Variants in PLD1 observed in about 807,000 individuals in gnomAD.
The protein encoded by PLD1 is phospholipase D1.
A neutral mutation model predicts 137.1 loss-of-function variants in PLD1; 112 were observed. The observed-to-expected ratio is 0.82, with a 90% CI of 0.70 to 0.96. PLD1 has a LOEUF of 0.96. Among genes scored for constraint, PLD1 ranks in the 40% least tolerant of loss-of-function variants. The pLI, the probability that PLD1 is intolerant of heterozygous loss-of-function variation, is 0.00. For missense variants in PLD1, 1,321 were observed against 1,342.0 expected, an observed-to-expected ratio of 0.98 and a Z score of 0.24; for synonymous variants, 431 against 454.7, an observed-to-expected ratio of 0.95 and a Z score of 0.66.
At chr3:171,639,097 C>T (rs1735411480) in intron 23 of PLD1, among the ~76,000 whole-genome samples, 3 of 150,402 alleles carry the variant, frequency 2.0e-5, no homozygotes, top group South Asian at 2.1e-4. Flanking sequence ...AAATTCTCAG[C>T]CTCCGTAATT....
chr3:171,663,479 G>T (rs1056353269), intron 19 of PLD1, among the ~76,000 whole-genome samples: 1 of 152,198 alleles, frequency 6.6e-6, no homozygotes, highest in African/African-American at 2.4e-5. Flanking sequence ...ACCGTGAAAT[G>T]TGTAGCAGGA....
rs1174564536 is a variant in PLD1, at chr3:171,652,766, ATTTTTTTTTTTTTT to A, written c.2429+6433_2429+6446del. ...CAGGCATGTACCAGCACACTCAGCT[ATTTTTTTTTTTTTT>A]TTTTTTTTTTTTTTTGTAGAGACTA... On this transcript the variant is annotated intron_variant, in intron 21 of 26. Coordinates refer to ENST00000351298, the MANE Select transcript of PLD1 (RefSeq NM_002662.5). Among the ~76,000 whole-genome samples the A allele has an allele frequency of 4.0e-5, 3 of 75,616 alleles. No homozygotes were observed. The Admixed American group carries it at 5.5e-4, about 14-fold the overall frequency. The allele number at this position is 75,616 out of a possible 152,430, so 49.6% of individuals were successfully genotyped here.
At position 171,795,738 on chromosome 3, in the gene PLD1, T is replaced by G. The variant is rs145946051; in HGVS notation, c.-32+14661A>C. On this transcript the variant is annotated intron_variant, in intron 1 of 26. Coordinates refer to ENST00000351298, the MANE Select transcript of PLD1 (RefSeq NM_002662.5). ...TTTTACTCATGCTATTCCCTCTGCT[T>G]AGAATTCTTCCCAAAAGGGTGTTCA... Among the ~76,000 whole-genome samples the G allele has an allele frequency of 5.7e-3, 874 of 152,350 alleles. 4 individuals carry two copies. Among genetic ancestry groups the G allele is most frequent in the Non-Finnish European group, 8.3e-3 (567 of 68,034 alleles).
rs372165629 is a variant in PLD1, at chr3:171,708,342, A to G, written c.1145+413T>C. On this transcript the variant is annotated intron_variant, in intron 11 of 26. Coordinates refer to ENST00000351298, the MANE Select transcript of PLD1 (RefSeq NM_002662.5). The stretch of plus-strand genomic sequence containing the variant: ...TCATTACAGAGGATATTTTTACGGT[A>G]ACAGGCAAGTGGAACTATTTCAACA... Among the ~76,000 whole-genome samples the G allele has an allele frequency of 5.3e-5, 8 of 152,222 alleles. No homozygotes were observed. The East Asian group carries it at 1.5e-3, about 29-fold the overall frequency.
chr3:171,756,577 G>A (rs576166458), intron 1 of PLD1, among the ~76,000 whole-genome samples: 1 of 152,336 alleles, frequency 6.6e-6, no homozygotes, highest in South Asian at 2.1e-4. Flanking sequence ...AAGGGGTAAT[G>A]AAGAACATGC....
chr3:171,774,974 T>C (rs966715681), intron 1 of PLD1, among the ~76,000 whole-genome samples: 12 of 152,126 alleles, frequency 7.9e-5, no homozygotes, highest in Non-Finnish European at 4.4e-5. Context: ...TAGGAGTCAC[T>C]GACACTGAAG....
intron 23 of PLD1, 59 bp from the exon 24 acceptor site, chr3:171,620,579 T>C: frequency 9.9e-7 from 1 of 1,006,820 alleles, no homozygotes; most frequent in Admixed American, 1.8e-5. Flanking sequence ...AAACGTACAT[T>C]AAATCTTATT....
At chr3:171,634,131 T>C (rs1734910035) in intron 23 of PLD1, among the ~76,000 whole-genome samples, 1 of 152,226 alleles carries the variant, frequency 6.6e-6, no homozygotes. Context: ...GTCTAGCATA[T>C]GAACATTTTC....
At chr3:171,748,046 A>C (rs1339461331) in intron 1 of PLD1, among the ~76,000 whole-genome samples, 1 of 152,226 alleles carries the variant, frequency 6.6e-6, no homozygotes, top group Non-Finnish European at 1.5e-5. Context: ...TGTTAGAAAA[A>C]CAACATATTC....
chr3:171,805,819 A>AT (rs1402076552), intron 1 of PLD1, among the ~76,000 whole-genome samples: 1 of 152,206 alleles, frequency 6.6e-6, no homozygotes, highest in African/African-American at 2.4e-5. Context: ...CCTGGGATGG[A>AT]TCCCCAGCTC....
intron 19 of PLD1, among the ~76,000 whole-genome samples, chr3:171,665,174 G>T (rs754589161): frequency 3.9e-5 from 6 of 152,154 alleles, no homozygotes; most frequent in Non-Finnish European, 7.3e-5. Context: ...ATGTCAGCTT[G>T]CATATGAAGT....
intron 1 of PLD1, among the ~76,000 whole-genome samples, chr3:171,758,868 A>T (rs1231793978): frequency 6.6e-6 from 1 of 152,204 alleles, no homozygotes; most frequent in African/African-American, 2.4e-5. Context: ...TAGGGAGTGT[A>T]TCTATCATTC....
At chr3:171,804,729 G>A (rs1315386060) in intron 1 of PLD1, among the ~76,000 whole-genome samples, 1 of 152,244 alleles carries the variant, frequency 6.6e-6, no homozygotes, top group East Asian at 1.9e-4. Context: ...TTGTCCACAT[G>A]CTTTGTTGAT....
intron 1 of PLD1, among the ~76,000 whole-genome samples, chr3:171,780,044 G>C (rs1198097617): frequency 6.6e-6 from 1 of 151,786 alleles, no homozygotes; most frequent in African/African-American, 2.4e-5. Context: ...ATAAGTCTGA[G>C]ATTCAGGACT....
chr3:171,664,078 CATT>C, intron 19 of PLD1, among the ~76,000 whole-genome samples: 1 of 151,958 alleles, frequency 6.6e-6, no homozygotes, highest in South Asian at 2.1e-4. Flanking sequence ...CCAATCAAAG[CATT>C]AAAAAAATTA....
intron 1 of PLD1, among the ~76,000 whole-genome samples, chr3:171,741,393 C>T (rs1257910761): frequency 6.6e-6 from 1 of 152,194 alleles, no homozygotes; most frequent in Non-Finnish European, 1.5e-5. Context: ...GCAAAACTAT[C>T]TACGCTCCTA....
chr3:171,800,078 T>G (rs994693138), intron 1 of PLD1, among the ~76,000 whole-genome samples: 7 of 152,218 alleles, frequency 4.6e-5, no homozygotes, highest in African/African-American at 1.2e-4. Context: ...TGTTCATTAA[T>G]TATAACAAAT....
At chr3:171,773,349 G>A (rs1393751849) in intron 1 of PLD1, among the ~76,000 whole-genome samples, 1 of 152,238 alleles carries the variant, frequency 6.6e-6, no homozygotes, top group South Asian at 2.1e-4. Context: ...AGCCCAGCAC[G>A]TTGGGAGGCC....
chr3:171,646,959 C>A (rs1736278528), intron 21 of PLD1, among the ~76,000 whole-genome samples: 1 of 152,196 alleles, frequency 6.6e-6, no homozygotes, highest in South Asian at 2.1e-4. Context: ...TTCTAGGTCA[C>A]CTTATTGGCT....
Sources: gnomAD v4.1 joint callset for allele counts (sites outside exome capture counted in the v4.1 genomes callset) on GRCh38, gnomAD v4.1.1 for gene constraint, MANE v1.5 for transcripts, NCBI Gene and HGNC (gene_info 2026-07-23, HGNC 2026-07-21) for gene names.